CNBD2: variants seen among roughly 807,000 people sequenced by gnomAD.
The protein encoded by CNBD2 is cyclic nucleotide binding domain containing 2.
A neutral mutation model predicts 63.7 loss-of-function variants in CNBD2; 64 were observed. The ratio of observed to expected loss-of-function variants is 1.00; its 90% CI spans 0.82 to 1.24. The LOEUF (loss-of-function observed/expected upper bound fraction) is 1.24. Ranked by LOEUF, CNBD2 falls within the 50% of genes most tolerant of loss-of-function variation. The pLI is 0.00. For synonymous variants in CNBD2, 229 were observed against 255.4 expected (o/e 0.90, Z 0.99); for missense variants, 691 against 713.5 (o/e 0.97, Z 0.36).
At chr20:35,976,138 C>A (rs2056515251) in intron 3 of CNBD2, 136 bp downstream of exon 3, 1 of 707,664 alleles carries the variant, frequency 1.4e-6, no homozygotes, top group Non-Finnish European at 2.5e-6. Context: ...CCTGGGTTGG[C>A]CACTTCGTTT....
In CNBD2 at chr20:36,011,230, G is replaced by T. The variant is rs777561917; in HGVS notation, c.1242G>T (p.Val414=). 1 of 1,584,864 alleles carries T rather than the reference G, an allele frequency of 6.3e-7. No individual in the cohort carries two copies. Among genetic ancestry groups the T allele is most frequent in the East Asian group, 2.3e-5 (1 of 43,096 alleles). Residue 414 remains valine (V), a synonymous_variant, in exon 10 of 12, where the codon GTG becomes GTT. Coordinates refer to ENST00000373973, the MANE Select transcript of CNBD2 (RefSeq NM_001365709.1). ...KEAAVGAYVK[V]HTVEQGEILG... ...CTGCAGTGGGGGCCTACGTGAAGGTGCACACTGTGGAGCAGGGAGAAATTT... is the reference window on the plus strand; with the variant it reads ...CTGCAGTGGGGGCCTACGTGAAGGTTCACACTGTGGAGCAGGGAGAAATTT...
intron 10 of CNBD2, among the ~76,000 whole-genome samples, chr20:36,011,561 T>C (rs2057062139): frequency 6.6e-6 from 1 of 152,108 alleles, no homozygotes; most frequent in Non-Finnish European, 1.5e-5. Flanking sequence ...GGTGTACGCC[T>C]GTAATCCCAG....
intron 2 of CNBD2, among the ~76,000 whole-genome samples, chr20:35,962,257 C>CTTTT (rs917656604): frequency 2.3e-5 from 3 of 131,540 alleles, no homozygotes; most frequent in Non-Finnish European, 3.2e-5. Flanking sequence ...TCCCTGCAGT[C>CTTTT]TTTTTTTTTT....
chr20:36,022,217 TGAGA>T (rs2057224541), intron 10 of CNBD2, among the ~76,000 whole-genome samples: 16 of 107,120 alleles, frequency 1.5e-4, no homozygotes, highest in African/African-American at 4.5e-4. Context: ...TTTTTTTTTT[TGAGA>T]TGGAGTCTCG....
intron 10 of CNBD2, among the ~76,000 whole-genome samples, chr20:36,020,097 T>C (rs2057187540): frequency 6.6e-6 from 1 of 151,512 alleles, no homozygotes; most frequent in African/African-American, 2.4e-5. Context: ...CTTTTTTTTT[T>C]CTTGAGACGG....
intron 8 of CNBD2, among the ~76,000 whole-genome samples, chr20:36,005,956 CA>C (rs1200907806): frequency 6.7e-6 from 1 of 150,210 alleles, no homozygotes; most frequent in African/African-American, 2.5e-5. Flanking sequence ...ATCTCAAAAA[CA>C]AAAAAACAAA....
chr20:35,976,129 C>A, intron 3 of CNBD2, 127 bp downstream of exon 3: 1 of 757,714 alleles, frequency 1.3e-6, no homozygotes. Flanking sequence ...GCTTGTCACC[C>A]TGGGTTGGCC....
At chr20:35,986,683 C>T (rs552967883) in intron 6 of CNBD2, among the ~76,000 whole-genome samples, 4 of 152,184 alleles carry the variant, frequency 2.6e-5, no homozygotes, top group African/African-American at 9.7e-5. Flanking sequence ...CTTGAGTTAA[C>T]CTGATTCAAT....
At chr20:35,990,535 G>C (rs2056731277) in intron 7 of CNBD2, among the ~76,000 whole-genome samples, 1 of 152,110 alleles carries the variant, frequency 6.6e-6, no homozygotes, top group Admixed American at 6.6e-5. Context: ...GGCTGAGGCA[G>C]GAGAATTGCT....
chr20:35,999,157 G>A (rs2056864956), intron 8 of CNBD2, among the ~76,000 whole-genome samples: 1 of 151,994 alleles, frequency 6.6e-6, no homozygotes, highest in East Asian at 1.9e-4. Flanking sequence ...TATTAGTTTG[G>A]TATATCTTTT....
At chr20:35,972,998 A>C in intron 2 of CNBD2, 1 of 548,354 alleles carries the variant, frequency 1.8e-6, no homozygotes, top group Non-Finnish European at 3.2e-6. Context: ...TTACATGCCT[A>C]GCCACAGGCA....
upstream of CNBD2, chr20:35,954,407 G>A (rs1368497999): frequency 2.6e-6 from 4 of 1,555,558 alleles, no homozygotes; most frequent in African/African-American, 4.1e-5. Flanking sequence ...CACCCTTGAG[G>A]GAGTCGGACT....
upstream of CNBD2, among the ~76,000 whole-genome samples, chr20:35,966,423 G>A (rs1040493909): frequency 6.6e-6 from 1 of 152,140 alleles, no homozygotes; most frequent in Non-Finnish European, 1.5e-5. Flanking sequence ...TATACCCCAC[G>A]GGATAGGAAT....
intron 8 of CNBD2, among the ~76,000 whole-genome samples, chr20:35,996,607 A>T (rs2056829279): frequency 6.7e-6 from 1 of 150,098 alleles, no homozygotes; most frequent in South Asian, 2.1e-4. Context: ...TCCCAGGTTC[A>T]GGCAATTCTC....
upstream of CNBD2, chr20:35,954,635 T>C: frequency 7.7e-7 from 1 of 1,306,086 alleles, no homozygotes; most frequent in Non-Finnish European, 9.9e-7. Context: ...TGGCCTGGGC[T>C]CCTTCCGAAT....
At chr20:35,967,912 A>G (rs2056359981), upstream of CNBD2, among the ~76,000 whole-genome samples, 3 of 152,190 alleles carry the variant, frequency 2.0e-5, no homozygotes, top group Non-Finnish European at 1.5e-5. Context: ...GACTTAGCTT[A>G]GGAGAGTTCT....
chr20:35,992,514 C>A (rs532527153), intron 7 of CNBD2, among the ~76,000 whole-genome samples: 23 of 152,238 alleles, frequency 1.5e-4, no homozygotes, highest in African/African-American at 5.5e-4. Flanking sequence ...GTAGGGGATT[C>A]TAATGCAGGG....
At chr20:35,988,741 T>G (rs1312786042) in intron 7 of CNBD2, among the ~76,000 whole-genome samples, 1 of 152,166 alleles carries the variant, frequency 6.6e-6, no homozygotes, top group Non-Finnish European at 1.5e-5. Flanking sequence ...ACAAATTGCA[T>G]TCCAAAAGGA....
At chr20:36,011,386 T>C (rs1203243718) in intron 10 of CNBD2, 129 bp downstream of exon 10, 2 of 1,221,042 alleles carry the variant, frequency 1.6e-6, no homozygotes, top group Non-Finnish European at 2.1e-6. Context: ...TGTTGATTTG[T>C]AAAGATGTGA....
Sources: gnomAD v4.1 joint callset for allele counts (sites outside exome capture counted in the v4.1 genomes callset) on GRCh38, gnomAD v4.1.1 for gene constraint, MANE v1.5 for transcripts, NCBI Gene and HGNC (gene_info 2026-07-23, HGNC 2026-07-21) for gene names.